The following ARHGAP26 variants were observed in gnomAD, a reference collection of about 807,000 sequenced individuals.
The protein encoded by ARHGAP26 is Rho GTPase activating protein 26.
In ARHGAP26, 38 loss-of-function variants were observed where a neutral mutation model predicts 104.8. The ratio of observed to expected loss-of-function variants is 0.36; its 90% CI spans 0.28 to 0.48. ARHGAP26 has a LOEUF of 0.48. ARHGAP26 is among the 20% of genes least tolerant of loss of function. The pLI is 0.99. For missense variants in ARHGAP26, 704 were observed against 947.9 expected, an observed-to-expected ratio of 0.74 and a Z score of 3.38; for synonymous variants, 341 against 340.0, an observed-to-expected ratio of 1.00 and a Z score of -0.03.
rs1359624214 is a variant in ARHGAP26 at position 142,867,698 on chromosome 5, A to G, written c.155-5702A>G. ...CTTGGTATAGGTGAGGTTTTATTTT[A>G]TGCTCCTGCTGGTGGTAGCTCTCCC... On this transcript the variant is annotated intron_variant, in intron 1 of 22. Transcript: ENST00000645722. Among the ~76,000 whole-genome samples the G allele has an allele frequency of 5.9e-5, 9 of 152,104 alleles. No homozygotes were observed. In the East Asian group the frequency reaches 1.4e-3, roughly 23 times the overall value.
At position 143,149,660 on chromosome 5, in the gene ARHGAP26, G is replaced by A. The variant is rs144939960; in HGVS notation, c.1988+2279G>A. Among the ~76,000 whole-genome samples, 729 of 152,256 alleles carry A rather than the reference G, an allele frequency of 4.8e-3. 6 individuals carry two copies. Among genetic ancestry groups the A allele is most frequent in the African/African-American group, 0.015 (629 of 41,534 alleles). On this transcript the variant is annotated intron_variant, in intron 20 of 22. Transcript: ENST00000645722. ...TGCCACGGTAACAATCACCTGAGAC[G>A]ACTTGGGTCTCAGCCTCAGGTGTGG...
At chr5:143,197,346 G>A (rs193237151) in intron 20 of ARHGAP26, among the ~76,000 whole-genome samples, 1 of 152,288 alleles carries the variant, frequency 6.6e-6, no homozygotes, top group East Asian at 1.9e-4. Context: ...CAAAATATGA[G>A]TTACAGATGA....
chr5:142,790,673 G>A (rs1480601184), intron 1 of ARHGAP26, among the ~76,000 whole-genome samples: 2 of 152,132 alleles, frequency 1.3e-5, no homozygotes, highest in Non-Finnish European at 2.9e-5. Context: ...CTACCTCACT[G>A]TGTTTAAGCT....
intron 20 of ARHGAP26, chr5:143,169,597 T>C (rs527775912): frequency 6.6e-6 from 1 of 152,336 alleles, no homozygotes; most frequent in South Asian, 2.1e-4. Flanking sequence ...TGGTCCACAT[T>C]GAGTCCCATC....
chr5:142,851,546 G>A (rs1045234540), intron 1 of ARHGAP26, among the ~76,000 whole-genome samples: 31 of 152,276 alleles, frequency 2.0e-4, no homozygotes, highest in African/African-American at 6.7e-4. Context: ...GCCCCTCATA[G>A]GCTCATGCAC....
At chr5:142,822,738 G>A (rs1442393881) in intron 1 of ARHGAP26, among the ~76,000 whole-genome samples, 2 of 152,198 alleles carry the variant, frequency 1.3e-5, no homozygotes, top group Admixed American at 1.3e-4. Flanking sequence ...TGGTTGGATT[G>A]TGTGTGCTTC....
In ARHGAP26 at chr5:143,219,504, A is replaced by C. The variant is rs577597236; in HGVS notation, c.2192-2854A>C. ...CATATAAATAGGACCCATGAATACT[A>C]TGTGGAATGTACTATGAGCATTTTA... is the stretch of plus-strand genomic sequence containing the variant. On this transcript the variant is annotated intron_variant, in intron 22 of 22. Coordinates refer to ENST00000645722, the MANE Select transcript of ARHGAP26 (RefSeq NM_001135608.3). 3.3e-5 allele frequency among the ~76,000 whole-genome samples: 5 copies of C among 152,286 alleles called. No homozygotes were observed. The East Asian group carries it at 9.6e-4, about 29-fold the overall frequency.
chr5:142,977,187 T>C (rs536028346), intron 11 of ARHGAP26, among the ~76,000 whole-genome samples: 9 of 152,284 alleles, frequency 5.9e-5, no homozygotes, highest in African/African-American at 2.2e-4. Flanking sequence ...GAACAGATGT[T>C]CCTCATAATG....
At chr5:143,041,597 G>A (rs956987409) in intron 13 of ARHGAP26, 1 of 516,214 alleles carries the variant, frequency 1.9e-6, no homozygotes, top group African/African-American at 1.9e-5. Flanking sequence ...CTAACATGAG[G>A]GCTGAAGTGT....
intron 22 of ARHGAP26, among the ~76,000 whole-genome samples, chr5:143,221,730 C>T (rs1599583268): frequency 6.6e-6 from 1 of 152,194 alleles, no homozygotes; most frequent in East Asian, 1.9e-4. Flanking sequence ...GCCATGTTGC[C>T]CAGGCTGTTC....
At chr5:142,886,722 A>T (rs946451091) in intron 5 of ARHGAP26, among the ~76,000 whole-genome samples, 2 of 147,144 alleles carry the variant, frequency 1.4e-5, no homozygotes, top group Admixed American at 6.8e-5. Flanking sequence ...CCTAAAAAAT[A>T]AAAAAAAAAA....
chr5:142,884,652 A>G (rs1757462731), intron 4 of ARHGAP26, among the ~76,000 whole-genome samples: 1 of 152,248 alleles, frequency 6.6e-6, no homozygotes, highest in Middle Eastern at 3.2e-3. Context: ...TAATTATGCC[A>G]AACGCTATCC....
At chr5:143,222,112 T>C (rs1276113615) in intron 22 of ARHGAP26, among the ~76,000 whole-genome samples, 1 of 152,200 alleles carries the variant, frequency 6.6e-6, no homozygotes, top group Non-Finnish European at 1.5e-5. Context: ...TGTTTCCTTT[T>C]TCATTGTAAA....
chr5:143,120,937 T>A (rs1156603020), intron 17 of ARHGAP26, 51 bp from the exon 18 acceptor site: 2 of 1,561,374 alleles, frequency 1.3e-6, no homozygotes, highest in Non-Finnish European at 1.7e-6. Flanking sequence ...GGTTGGTATC[T>A]CTGTGTACAC....
chr5:142,957,677 C>T (rs939695318), intron 11 of ARHGAP26, among the ~76,000 whole-genome samples: 3 of 152,208 alleles, frequency 2.0e-5, no homozygotes, highest in African/African-American at 7.2e-5. Flanking sequence ...GCCAGGAAGC[C>T]TCTTCTCGCA....
chr5:143,088,103 G>A (rs990559422), intron 17 of ARHGAP26, among the ~76,000 whole-genome samples: 1 of 152,246 alleles, frequency 6.6e-6, no homozygotes, highest in Non-Finnish European at 1.5e-5. Flanking sequence ...TGTTCCTCAC[G>A]GAATCCTTCC....
intron 20 of ARHGAP26, among the ~76,000 whole-genome samples, chr5:143,196,830 C>T (rs564838090): frequency 3.9e-5 from 6 of 152,148 alleles, no homozygotes; most frequent in South Asian, 2.1e-4. Context: ...TGCCGTTGGG[C>T]GACTCAAGGT....
intron 4 of ARHGAP26, among the ~76,000 whole-genome samples, 154 bp downstream of exon 4, chr5:142,879,599 C>G (rs1447501210): frequency 6.6e-6 from 1 of 152,224 alleles, no homozygotes; most frequent in Non-Finnish European, 1.5e-5. Flanking sequence ...TAGAGCCCAA[C>G]TCATCGGTTC....
rs1054951723 is a variant in ARHGAP26 at position 142,838,204 on chromosome 5, G to A, written c.155-35196G>A. Reference sequence around the variant, plus strand: ...ACCCAGGAGGCAAAGGTTGCAGTGAGCTGAGATCCCACCACTGCACTCCAG... The same window carrying A: ...ACCCAGGAGGCAAAGGTTGCAGTGAACTGAGATCCCACCACTGCACTCCAG... On this transcript the variant is annotated intron_variant, in intron 1 of 22. Coordinates refer to ENST00000645722, the MANE Select transcript of ARHGAP26 (RefSeq NM_001135608.3). Among the ~76,000 whole-genome samples, 30 of 151,918 alleles carry A rather than the reference G, an allele frequency of 2.0e-4. 1 individual carries two copies. Among genetic ancestry groups the A allele is most frequent in the Admixed American group, 2.0e-3 (30 of 15,252 alleles).
Sources: allele counts gnomAD v4.1 joint callset (sites outside exome capture counted in the v4.1 genomes callset), GRCh38; gene constraint gnomAD v4.1.1; transcripts MANE v1.5; gene names NCBI Gene and HGNC (gene_info 2026-07-23, HGNC 2026-07-21).